The following PCSK2 variants were observed in gnomAD, a reference collection of about 807,000 sequenced individuals.
The protein encoded by PCSK2 is proprotein convertase subtilisin/kexin type 2, also known as neuroendocrine convertase 2.
PCSK2 carries 14 observed loss-of-function variants against 69.7 expected under a neutral mutation model. The observed-to-expected ratio is 0.20, with a 90% CI of 0.13 to 0.31. The LOEUF is 0.31. Ranked by LOEUF, PCSK2 falls within the 10% of genes least tolerant of loss-of-function variation. The probability of loss-of-function intolerance (pLI) is 1.00; values close to 1 mark genes in which losing one functional copy is unlikely to be tolerated. For missense variants in PCSK2, 544 were observed against 842.5 expected (o/e 0.65, Z 4.39); for synonymous variants, 307 against 320.7 (o/e 0.96, Z 0.46).
At chr20:17,457,160 T>C (rs1342623801) in intron 10 of PCSK2, among the ~76,000 whole-genome samples, 2 of 152,208 alleles carry the variant, frequency 1.3e-5, no homozygotes, top group Non-Finnish European at 2.9e-5. Flanking sequence ...GTTCACAGAA[T>C]GAACACATGG....
At chr20:17,447,432 A>G (rs12625275) in intron 8 of PCSK2, among the ~76,000 whole-genome samples, 100,919 of 152,004 alleles carry the variant, frequency 0.66, 33,858 homozygotes, top group African/African-American at 0.75. Context: ...TCAAAACAAT[A>G]AGGTACTATT....
At chr20:17,402,938 CAG>C (rs1176254947) in intron 5 of PCSK2, among the ~76,000 whole-genome samples, 1 of 151,126 alleles carries the variant, frequency 6.6e-6, no homozygotes, top group Non-Finnish European at 1.5e-5. Context: ...GCCTGGGCGA[CAG>C]AGCGAGACTC....
intron 2 of PCSK2, among the ~76,000 whole-genome samples, chr20:17,329,221 G>A (rs545526803): frequency 9.5e-4 from 144 of 152,226 alleles, no homozygotes; most frequent in African/African-American, 3.4e-3. Context: ...TGACTCGAGG[G>A]TTTTTGGAGA....
Position 17,252,535 on chromosome 20 carries a change from T to G in PCSK2, c.178-7705T>G, listed in dbSNP as rs1004205690. Among the ~76,000 whole-genome samples, 5 of 152,220 alleles carry G rather than the reference T, an allele frequency of 3.3e-5. No homozygotes were observed. In the South Asian group the frequency reaches 1.0e-3, roughly 32 times the overall value. The stretch of plus-strand genomic sequence containing the variant: ...TAATTCCCATAACAAAAACATTTTA[T>G]AAGTAAAAAATCTGAGGCCCACAAG... On this transcript the variant is annotated intron_variant, in intron 1 of 11. Transcript: ENST00000262545.
At chr20:17,229,030 C>T (rs1453698063) in intron 1 of PCSK2, among the ~76,000 whole-genome samples, 1 of 151,880 alleles carries the variant, frequency 6.6e-6, no homozygotes, top group African/African-American at 2.4e-5. Context: ...CTTCTTCACT[C>T]CCCCCCACCC....
At chr20:17,230,933 T>C (rs4814596) in intron 1 of PCSK2, among the ~76,000 whole-genome samples, 67,490 of 152,144 alleles carry the variant, frequency 0.44, 15,870 homozygotes, top group African/African-American at 0.6. Flanking sequence ...GACCTATGTC[T>C]ATCAGAAAAG....
At chr20:17,350,792 C>T (rs1421248026) in intron 2 of PCSK2, among the ~76,000 whole-genome samples, 1 of 152,132 alleles carries the variant, frequency 6.6e-6, no homozygotes, top group Non-Finnish European at 1.5e-5. Context: ...CCTGTAATCC[C>T]AGCACTTTGG....
At chr20:17,432,203 C>T (rs746498436) in intron 7 of PCSK2, among the ~76,000 whole-genome samples, 2 of 152,164 alleles carry the variant, frequency 1.3e-5, no homozygotes, top group Non-Finnish European at 2.9e-5. Flanking sequence ...ATAAATTTTT[C>T]TCATTTTTCC....
chr20:17,420,768 T>A (rs908326666), intron 6 of PCSK2, among the ~76,000 whole-genome samples: 34 of 152,272 alleles, frequency 2.2e-4, no homozygotes, highest in African/African-American at 7.9e-4. Context: ...ATTATGTTAA[T>A]TGCTTGGTAT....
At chr20:17,311,015 A>G (rs1246177455) in intron 2 of PCSK2, among the ~76,000 whole-genome samples, 1 of 151,542 alleles carries the variant, frequency 6.6e-6, no homozygotes, top group Non-Finnish European at 1.5e-5. Flanking sequence ...AAAAAAAAAA[A>G]AAATCATGGA....
chr20:17,470,548 A>G (rs945804952), intron 11 of PCSK2, among the ~76,000 whole-genome samples: 1 of 152,206 alleles, frequency 6.6e-6, no homozygotes, highest in Admixed American at 6.5e-5. Context: ...ACGACATCCA[A>G]TTGCAGCATC....
chr20:17,398,400 T>C (rs1313661058), intron 5 of PCSK2, among the ~76,000 whole-genome samples: 2 of 151,868 alleles, frequency 1.3e-5, no homozygotes, highest in Non-Finnish European at 2.9e-5. Flanking sequence ...GGCACACGCC[T>C]GTAGTTTCAG....
chr20:17,405,860 G>T (rs2031739803), intron 5 of PCSK2, among the ~76,000 whole-genome samples: 1 of 152,276 alleles, frequency 6.6e-6, no homozygotes, highest in East Asian at 1.9e-4. Context: ...TCCCAGAGAA[G>T]CCCTGAGGTC....
chr20:17,247,886 G>T (rs1986824911), intron 1 of PCSK2, among the ~76,000 whole-genome samples: 1 of 152,158 alleles, frequency 6.6e-6, no homozygotes, highest in Non-Finnish European at 1.5e-5. Flanking sequence ...GGAGTGTGTG[G>T]GTTCAGAGAG....
At chr20:17,329,702 T>C (rs904178755) in intron 2 of PCSK2, among the ~76,000 whole-genome samples, 1 of 152,194 alleles carries the variant, frequency 6.6e-6, no homozygotes, top group African/African-American at 2.4e-5. Flanking sequence ...AGAAAAACAA[T>C]TGACAAAGCG....
rs77281388 is a variant in PCSK2 at position 17,348,331 on chromosome 20, T to C, written c.283-9996T>C. Among the ~76,000 whole-genome samples the C allele has an allele frequency of 1.1e-4, 16 of 152,334 alleles. No individual in the cohort carries two copies. The East Asian group carries it at 3.1e-3, about 29-fold the overall frequency. On this transcript the variant is annotated intron_variant, in intron 2 of 11. Coordinates refer to ENST00000262545, the MANE Select transcript of PCSK2 (RefSeq NM_002594.5). ...AGCTTTGGAGTGAGATGAGCCTAGC[T>C]TGAGGTGTTTTGGAACAAGGGAAGT... is the stretch of plus-strand genomic sequence containing the variant.
At chr20:17,354,661 T>C (rs2030133786) in intron 2 of PCSK2, among the ~76,000 whole-genome samples, 2 of 152,210 alleles carry the variant, frequency 1.3e-5, no homozygotes, top group Non-Finnish European at 2.9e-5. Flanking sequence ...TATATGACTC[T>C]GGAACATTTA....
At chr20:17,397,086 C>G (rs1209346007) in intron 5 of PCSK2, among the ~76,000 whole-genome samples, 1 of 152,202 alleles carries the variant, frequency 6.6e-6, no homozygotes, top group East Asian at 1.9e-4. Context: ...CTATGTGCAT[C>G]TCCGTTTTTG....
chr20:17,353,279 T>A (rs1389459570), intron 2 of PCSK2, among the ~76,000 whole-genome samples: 2 of 138,514 alleles, frequency 1.4e-5, no homozygotes, highest in Admixed American at 7.7e-5. Flanking sequence ...TGGCCAACAC[T>A]GTGAAACCCT....
Sources: allele counts gnomAD v4.1 joint callset (sites outside exome capture counted in the v4.1 genomes callset), GRCh38; gene constraint gnomAD v4.1.1; transcripts MANE v1.5; gene names NCBI Gene and HGNC (gene_info 2026-07-23, HGNC 2026-07-21).